Variants in PCDH11X observed in about 807,000 individuals in gnomAD.
PCDH11X encodes protocadherin-11 X-linked.
A neutral mutation model predicts 53.3 loss-of-function variants in PCDH11X; 18 were observed. The ratio of observed to expected loss-of-function variants is 0.34; its 90% CI spans 0.23 to 0.50. The LOEUF is 0.50. PCDH11X is among the 20% of genes least tolerant of loss of function. The pLI is 0.98. For missense variants in PCDH11X, 570 were observed against 1,032.4 expected (o/e 0.55, Z 6.14); for synonymous variants, 279 against 393.3 (o/e 0.71, Z 3.44).
At chrX:91,816,816 A>G (rs1250428936) in intron 4 of PCDH11X, among the ~76,000 whole-genome samples, 1 of 110,078 alleles carries the variant, frequency 9.1e-6, no homozygotes, top group Admixed American at 9.8e-5. Flanking sequence ...GTACTTATTT[A>G]TAGTGTGCAT....
intron 6 of PCDH11X, among the ~76,000 whole-genome samples, chrX:91,890,743 T>C (rs1186574605): frequency 9.1e-6 from 1 of 109,993 alleles, no homozygotes; most frequent in African/African-American, 3.3e-5. Context: ...GTTAGTCTTC[T>C]GTACAATGTC....
intron 10 of PCDH11X, among the ~76,000 whole-genome samples, chrX:92,500,087 A>G (rs1035957835): frequency 1.7e-4 from 19 of 111,543 alleles, no homozygotes; most frequent in African/African-American, 5.8e-4. Context: ...TTTTCTTAAA[A>G]TTGATACTAA....
intron 10 of PCDH11X, among the ~76,000 whole-genome samples, chrX:92,600,173 A>T: frequency 9.6e-6 from 1 of 104,590 alleles, no homozygotes. Context: ...AGAAAAACCC[A>T]TTTTCTGAGG....
At chrX:92,158,402 C>G (rs2065577654) in intron 6 of PCDH11X, among the ~76,000 whole-genome samples, 1 of 106,940 alleles carries the variant, frequency 9.4e-6, no homozygotes, top group South Asian at 4.3e-4. Flanking sequence ...CACAGCCACT[C>G]AGGAGGCTGA....
chrX:92,015,768 G>A (rs963153572), intron 6 of PCDH11X, among the ~76,000 whole-genome samples: 4 of 111,576 alleles, frequency 3.6e-5, no homozygotes, highest in Non-Finnish European at 3.8e-5. Context: ...ATCCATGAGC[G>A]GGGGAATCAC....
chrX:92,566,068 G>A (rs1282965003), intron 10 of PCDH11X, among the ~76,000 whole-genome samples: 3 of 110,527 alleles, frequency 2.7e-5, no homozygotes, highest in Non-Finnish European at 3.8e-5. Context: ...TAGATATGAT[G>A]TCAACAGGAT....
At chrX:91,876,178 A>G (rs1216935595) in intron 5 of PCDH11X, among the ~76,000 whole-genome samples, 3 of 111,168 alleles carry the variant, frequency 2.7e-5, no homozygotes, top group African/African-American at 9.8e-5. Context: ...ACGCAAAGGC[A>G]TAAGAATGAT....
At chrX:92,072,445 G>A (rs1427623365) in intron 6 of PCDH11X, among the ~76,000 whole-genome samples, 6 of 111,449 alleles carry the variant, frequency 5.4e-5, no homozygotes, top group East Asian at 2.9e-4. Flanking sequence ...TAAGACCTCT[G>A]TGTAGTACCT....
chrX:91,913,325 C>T (rs1013928384), intron 6 of PCDH11X, among the ~76,000 whole-genome samples: 5 of 111,586 alleles, frequency 4.5e-5, no homozygotes, highest in African/African-American at 1.6e-4. Context: ...CTTGCTTTCC[C>T]AGTGGAGTAG....
In PCDH11X at chrX:92,055,820, C is replaced by A. The variant is rs551720268; in HGVS notation, c.3034-145555C>A. Among the ~76,000 whole-genome samples the A allele has an allele frequency of 1.7e-4, 19 of 110,814 alleles. No individual in the cohort carries two copies. In the South Asian group the frequency reaches 7.3e-3, roughly 43 times the overall value. On this transcript the variant is annotated intron_variant, in intron 6 of 10. Coordinates refer to ENST00000682573, the MANE Select transcript of PCDH11X (RefSeq NM_032968.5). The stretch of plus-strand genomic sequence containing the variant: ...ACCATGCAGTATTTGGTTTTCTGTT[C>A]GTTTGTTAGTTTGCTAAGGATAATG...
At chrX:92,207,085 T>C (rs1056730432) in intron 7 of PCDH11X, among the ~76,000 whole-genome samples, 3 of 111,815 alleles carry the variant, frequency 2.7e-5, no homozygotes, top group Admixed American at 9.6e-5. Flanking sequence ...AATTAGGTTT[T>C]CAAAAATTAA....
chrX:91,819,359 C>T (rs1448908628), intron 4 of PCDH11X, among the ~76,000 whole-genome samples: 1 of 109,751 alleles, frequency 9.1e-6, no homozygotes, highest in Non-Finnish European at 1.9e-5. Flanking sequence ...ATTTTACTTA[C>T]TAATAGTTTG....
chrX:92,294,436 G>T (rs777475833), intron 8 of PCDH11X, among the ~76,000 whole-genome samples: 20 of 112,178 alleles, frequency 1.8e-4, no homozygotes, highest in African/African-American at 6.1e-4. Flanking sequence ...GAGCCACTGT[G>T]CCCTGCCAAT....
intron 6 of PCDH11X, among the ~76,000 whole-genome samples, chrX:92,084,331 T>C (rs991232616): frequency 2.7e-5 from 3 of 109,380 alleles, no homozygotes; most frequent in Non-Finnish European, 5.7e-5. Flanking sequence ...ATGAATCAAC[T>C]GAGGTTGGGA....
chrX:92,334,889 T>C lies in PCDH11X; in HGVS notation c.3145-52846T>C, dbSNP rs188373552. ...ACATACAAAATGATTTAATCGACTG[T>C]TTATGTTATCGGTAAGGCTTTCAGT... On this transcript the variant is annotated intron_variant, in intron 8 of 10. Coordinates refer to ENST00000682573, the MANE Select transcript of PCDH11X (RefSeq NM_032968.5). Among the ~76,000 whole-genome samples the C allele has an allele frequency of 4.9e-3, 537 of 109,971 alleles. 1 individual carries two copies. The highest frequency in any genetic ancestry group is 0.016 in the African/African-American group (499 of 30,251).
intron 8 of PCDH11X, among the ~76,000 whole-genome samples, chrX:92,359,096 G>GT (rs959312333): frequency 1.0e-3 from 108 of 105,852 alleles, no homozygotes; most frequent in African/African-American, 3.6e-3. Flanking sequence ...TTTCATTTAT[G>GT]TTTTTTTTTG....
At chrX:91,958,140 T>A (rs953550731) in intron 6 of PCDH11X, among the ~76,000 whole-genome samples, 5 of 111,176 alleles carry the variant, frequency 4.5e-5, no homozygotes, top group African/African-American at 1.6e-4. Context: ...AATAGCTGAG[T>A]CTACCAAACC....
intron 6 of PCDH11X, among the ~76,000 whole-genome samples, chrX:92,054,466 T>C (rs1217194567): frequency 9.0e-6 from 1 of 111,674 alleles, no homozygotes; most frequent in Non-Finnish European, 1.9e-5. Flanking sequence ...GATTCCATGT[T>C]TAATAGAGTC....
chrX:92,316,076 A>G (rs1239892723), intron 8 of PCDH11X, among the ~76,000 whole-genome samples: 3 of 94,403 alleles, frequency 3.2e-5, no homozygotes, highest in Non-Finnish European at 4.2e-5. Flanking sequence ...TCAACCCCAT[A>G]TGCTTTAACC....
Sources: allele counts gnomAD v4.1 joint callset (sites outside exome capture counted in the v4.1 genomes callset), GRCh38; gene constraint gnomAD v4.1.1; transcripts MANE v1.5; gene names NCBI Gene and HGNC (gene_info 2026-07-23, HGNC 2026-07-21).